Variants in ASB15 observed in about 807,000 individuals in gnomAD.
ASB15 encodes the protein ankyrin repeat and SOCS box containing 15.
A neutral mutation model predicts 58.0 loss-of-function variants in ASB15; 54 were observed. The observed-to-expected ratio is 0.93, with a 90% confidence interval of 0.75 to 1.17. ASB15 has a LOEUF of 1.17. Ranked by LOEUF, ASB15 falls within the 50% of genes most tolerant of loss-of-function variation. ASB15 has a pLI of 0.00. For missense variants in ASB15, 680 were observed against 707.4 expected, an observed-to-expected ratio of 0.96 and a Z score of 0.44; for synonymous variants, 249 against 262.4, an observed-to-expected ratio of 0.95 and a Z score of 0.50.
At chr7:123,577,229 T>C (rs1799091618) in intron 1 of ASB15, among the ~76,000 whole-genome samples, 2 of 152,188 alleles carry the variant, frequency 1.3e-5, no homozygotes, top group African/African-American at 4.8e-5. Flanking sequence ...TTCCCATTAT[T>C]GCAGGATATG....
chr7:123,622,290 A>G (rs947693025), intron 7 of ASB15, among the ~76,000 whole-genome samples: 1 of 152,042 alleles, frequency 6.6e-6, no homozygotes, highest in Non-Finnish European at 1.5e-5. Flanking sequence ...TATATATAAT[A>G]TGTAAACATA....
chr7:123,590,731 G>A (rs112148633), intron 1 of ASB15, among the ~76,000 whole-genome samples: 19,271 of 152,118 alleles, frequency 0.13, 1,393 homozygotes, highest in Admixed American at 0.19. Flanking sequence ...GTCAGGTAGC[G>A]TGATGCCTCC....
At position 123,628,877 on chromosome 7, in the gene ASB15, C is replaced by A; in HGVS notation, c.883C>A (p.Leu295Ile). ...YEGHYLALKYLIPVTSKNAIR... is the reference protein window; with the variant it reads ...YEGHYLALKYIIPVTSKNAIR... ...TTTTTCTTTTAGTGCACTGAAATAT[C>A]TTATCCCAGTAACATCTAAAAATGC... The change falls in exon 10 of 12, where the codon CTT (leucine) becomes ATT (isoleucine). Residue 295 changes from leucine (L) to isoleucine (I), a missense_variant. Physicochemically the swap from Leu to Ile is conservative, Grantham distance 5 (BLOSUM62 2). Transcript: ENST00000451215. 6.5e-7 allele frequency: 1 copy of A among 1,537,426 alleles called. No homozygotes were observed. Among genetic ancestry groups the A allele is most frequent in the Non-Finnish European group, 8.7e-7 (1 of 1,143,352 alleles).
chr7:123,597,104 C>T (rs752389633), upstream of ASB15, among the ~76,000 whole-genome samples: 12 of 152,140 alleles, frequency 7.9e-5, no homozygotes, highest in African/African-American at 1.2e-4. Context: ...AAATATTAAA[C>T]GAAAAATCCT....
At chr7:123,610,238 A>G (rs1800366214) in intron 3 of ASB15, among the ~76,000 whole-genome samples, 1 of 152,212 alleles carries the variant, frequency 6.6e-6, no homozygotes, top group South Asian at 2.1e-4. Context: ...GACTCTACTT[A>G]TTAGCTCTGG....
intron 1 of ASB15, among the ~76,000 whole-genome samples, chr7:123,591,283 C>A (rs1465366762): frequency 6.6e-6 from 1 of 152,084 alleles, no homozygotes; most frequent in Non-Finnish European, 1.5e-5. Context: ...TGATTGAATA[C>A]CCTATATTTC....
chr7:123,585,049 C>T (rs377583384), intron 1 of ASB15: 2 of 151,542 alleles, frequency 1.3e-5, no homozygotes, highest in Admixed American at 6.6e-5. Flanking sequence ...AGGAAAATTA[C>T]GAGGAAAGAT....
At chr7:123,633,457 A>G (rs1417555163) in intron 11 of ASB15, among the ~76,000 whole-genome samples, 1 of 152,168 alleles carries the variant, frequency 6.6e-6, no homozygotes, top group East Asian at 1.9e-4. Context: ...TGTATCCTTG[A>G]AACCAAGGAT....
chr7:123,622,236 A>C (rs1470492657), intron 7 of ASB15, among the ~76,000 whole-genome samples: 13 of 152,106 alleles, frequency 8.5e-5, no homozygotes, highest in Non-Finnish European at 1.5e-5. Context: ...AAAAATTCTA[A>C]AGAATTCTAG....
At chr7:123,573,238 C>T (rs1364180356) in intron 1 of ASB15, among the ~76,000 whole-genome samples, 3 of 150,700 alleles carry the variant, frequency 2.0e-5, no homozygotes, top group Non-Finnish European at 4.4e-5. Flanking sequence ...TATTTTATCA[C>T]CAAGCTTCCC....
At chr7:123,617,492 T>C in intron 6 of ASB15, 87 bp from the exon 7 acceptor site, 5 of 1,170,726 alleles carry the variant, frequency 4.3e-6, no homozygotes, top group Non-Finnish European at 4.8e-6. Flanking sequence ...TTCAATCCGA[T>C]GTATATAATA....
chr7:123,573,288 C>CTTT (rs35889563), intron 1 of ASB15, among the ~76,000 whole-genome samples: 18 of 117,888 alleles, frequency 1.5e-4, no homozygotes, highest in South Asian at 5.7e-4. Flanking sequence ...TCTGGATTTG[C>CTTT]TTTTTTTTTT....
At chr7:123,610,018 C>T (rs1394263929) in intron 3 of ASB15, among the ~76,000 whole-genome samples, 1 of 152,170 alleles carries the variant, frequency 6.6e-6, no homozygotes, top group Non-Finnish European at 1.5e-5. Flanking sequence ...TCAGACCACC[C>T]TAAGTAACAT....
At chr7:123,577,014 T>C (rs1799085708) in intron 1 of ASB15, among the ~76,000 whole-genome samples, 1 of 152,208 alleles carries the variant, frequency 6.6e-6, no homozygotes, top group East Asian at 1.9e-4. Flanking sequence ...CTTCCTGTTA[T>C]CTATTTTAAT....
chr7:123,629,404 A>G lies in ASB15; in HGVS notation c.1410A>G (p.Gly470=), dbSNP rs531057086. The change falls in exon 10 of 12, where the codon GGA becomes GGG. Residue 470 remains glycine, a synonymous_variant. Transcript: ENST00000451215. The part of the protein sequence containing the change: ...WSEIQEEVLP[G]WTSCVIKDNP... ...AGATACAGGAAGAGGTGCTGCCAGGATGGACATCTTGTGTAATAAAAGATA... is the reference window on the plus strand; with the variant it reads ...AGATACAGGAAGAGGTGCTGCCAGGGTGGACATCTTGTGTAATAAAAGATA... 107 of 1,612,020 alleles carry G rather than the reference A, an allele frequency of 6.6e-5. No individual in the cohort carries two copies. In the East Asian group the frequency reaches 1.5e-3, roughly 23 times the overall value.
Position 123,614,570 on chromosome 7 carries a change from A to T in ASB15, c.68A>T (p.Glu23Val). ...TSYDIQLSIQ[E>V]SIEASKTALC... ...TATGATATTCAGCTAAGTATTCAAG[A>T]ATCCATTGAAGCCAGCAAGACTGCA... The change falls in exon 4 of 12, where the codon GAA becomes GTA. Residue 23 changes from glutamate to valine, a missense_variant. Physicochemically the swap from Glu to Val is moderately radical, Grantham distance 121. Transcript: ENST00000451215. 1 of 1,611,726 alleles carries T rather than the reference A, an allele frequency of 6.2e-7. No homozygotes were observed. The highest frequency in any genetic ancestry group is 8.5e-7 in the Non-Finnish European group (1 of 1,177,994).
intron 1 of ASB15, among the ~76,000 whole-genome samples, chr7:123,577,762 G>A (rs1388350120): frequency 6.6e-6 from 1 of 152,026 alleles, no homozygotes; most frequent in Non-Finnish European, 1.5e-5. Flanking sequence ...TCTCCATCCA[G>A]CTCATGTTTC....
chr7:123,591,449 C>T (rs1248721124), intron 1 of ASB15, among the ~76,000 whole-genome samples: 1 of 152,076 alleles, frequency 6.6e-6, no homozygotes, highest in Non-Finnish European at 1.5e-5. Context: ...TCATAAATAG[C>T]TCTTATTATT....
upstream of ASB15, among the ~76,000 whole-genome samples, chr7:123,597,590 G>A (rs1196755676): frequency 6.6e-6 from 1 of 152,122 alleles, no homozygotes; most frequent in African/African-American, 2.4e-5. Context: ...CCAGCACTTT[G>A]GGAGGCCAAG....
Sources: gnomAD v4.1 joint callset for allele counts (sites outside exome capture counted in the v4.1 genomes callset) on GRCh38, gnomAD v4.1.1 for gene constraint, MANE v1.5 for transcripts, NCBI Gene and HGNC (gene_info 2026-07-23, HGNC 2026-07-21) for gene names.